The following DLGAP2 variants were observed in gnomAD, a reference collection of about 807,000 sequenced individuals.
DLGAP2 encodes the protein disks large-associated protein 2.
A neutral mutation model predicts 100.3 loss-of-function variants in DLGAP2; 26 were observed. That is an observed-to-expected ratio of 0.26 (90% confidence interval 0.19 to 0.36). The LOEUF is 0.36. Ranked by LOEUF, DLGAP2 falls within the 10% of genes least tolerant of loss-of-function variation. DLGAP2 has a pLI of 1.00. For missense variants in DLGAP2, 1,858 were observed against 1,453.2 expected, an observed-to-expected ratio of 1.28 and a Z score of -4.53; for synonymous variants, 886 against 630.1, an observed-to-expected ratio of 1.41 and a Z score of -6.08.
intron 3 of DLGAP2, among the ~76,000 whole-genome samples, chr8:1,463,470 C>T (rs1584928476): frequency 2.0e-5 from 3 of 152,316 alleles, no homozygotes; most frequent in Admixed American, 2.0e-4. Context: ...CCTTCGAACC[C>T]ACCGTCCAAA....
intron 3 of DLGAP2, among the ~76,000 whole-genome samples, chr8:1,408,399 C>G (rs899519892): frequency 6.6e-6 from 1 of 151,930 alleles, no homozygotes; most frequent in African/African-American, 2.4e-5. Context: ...GCTCCAAGTT[C>G]GCCACAACCT....
intron 2 of DLGAP2, among the ~76,000 whole-genome samples, chr8:940,465 T>C (rs1289745149): frequency 6.6e-6 from 1 of 152,034 alleles, no homozygotes; most frequent in Non-Finnish European, 1.5e-5. Flanking sequence ...GCCGGGATTC[T>C]TCATCTGAAA....
chr8:1,326,128 T>G (rs1325375174), intron 3 of DLGAP2, among the ~76,000 whole-genome samples: 1 of 152,228 alleles, frequency 6.6e-6, no homozygotes, highest in African/African-American at 2.4e-5. Flanking sequence ...TGCTATGGTA[T>G]TTTTTGTTTG....
intron 2 of DLGAP2, among the ~76,000 whole-genome samples, chr8:959,742 A>G (rs1799679508): frequency 6.6e-6 from 1 of 152,228 alleles, no homozygotes; most frequent in Non-Finnish European, 1.5e-5. Flanking sequence ...AAGGGCAAAT[A>G]GCTTGTCCAT....
intron 2 of DLGAP2, among the ~76,000 whole-genome samples, chr8:973,807 C>G (rs370540440): frequency 6.6e-6 from 1 of 151,410 alleles, no homozygotes; most frequent in African/African-American, 2.4e-5. Context: ...ATCCGGGGCT[C>G]GGGCCCGTGG....
intron 2 of DLGAP2, among the ~76,000 whole-genome samples, chr8:1,149,306 C>T (rs1181238467): frequency 3.3e-5 from 5 of 152,110 alleles, no homozygotes; most frequent in South Asian, 2.1e-4. Context: ...CCACCGCACC[C>T]GGCTAATTTT....
chr8:795,547 C>T (rs192852938), intron 1 of DLGAP2, among the ~76,000 whole-genome samples: 37 of 152,326 alleles, frequency 2.4e-4, no homozygotes, highest in African/African-American at 8.4e-4. Context: ...GACATAAGGC[C>T]GCATGTTGCC....
chr8:1,221,183 T>C (rs1798307637), intron 2 of DLGAP2, among the ~76,000 whole-genome samples: 1 of 152,196 alleles, frequency 6.6e-6, no homozygotes, highest in Non-Finnish European at 1.5e-5. Flanking sequence ...TATAGTTGTT[T>C]TTTAGTGTCA....
At chr8:1,544,673 A>T (rs6994849) in intron 4 of DLGAP2, among the ~76,000 whole-genome samples, 1 of 151,728 alleles carries the variant, frequency 6.6e-6, no homozygotes, top group Non-Finnish European at 1.5e-5. Flanking sequence ...TAAATTCTAC[A>T]TAGTCACTGT....
At chr8:1,573,914 G>A (rs1802858661) in intron 6 of DLGAP2, among the ~76,000 whole-genome samples, 1 of 152,146 alleles carries the variant, frequency 6.6e-6, no homozygotes, top group Non-Finnish European at 1.5e-5. Flanking sequence ...GTGCACTTCA[G>A]TGAGTAGTCA....
intron 8 of DLGAP2, among the ~76,000 whole-genome samples, chr8:1,656,840 T>C (rs1385097204): frequency 5.9e-5 from 9 of 152,222 alleles, no homozygotes; most frequent in Non-Finnish European, 1.0e-4. Context: ...GCAAAGCATG[T>C]TACACAGTTC....
At chr8:1,254,570 C>T (rs893443114) in intron 2 of DLGAP2, among the ~76,000 whole-genome samples, 1 of 152,136 alleles carries the variant, frequency 6.6e-6, no homozygotes, top group Non-Finnish European at 1.5e-5. Flanking sequence ...GGGAAAATCA[C>T]GATCTATGGC....
chr8:1,322,398 T>C (rs1480005441), intron 3 of DLGAP2, among the ~76,000 whole-genome samples: 1 of 152,248 alleles, frequency 6.6e-6, no homozygotes, highest in Non-Finnish European at 1.5e-5. Context: ...TGGAAATGCA[T>C]GTACCCACCC....
At chr8:1,194,382 C>T (rs1276226882) in intron 2 of DLGAP2, among the ~76,000 whole-genome samples, 3 of 152,072 alleles carry the variant, frequency 2.0e-5, no homozygotes, top group Non-Finnish European at 4.4e-5. Context: ...GGCCGGCCCA[C>T]ATAAGGGCAC....
At chr8:891,277 T>C (rs1471020540) in intron 1 of DLGAP2, 1 of 152,348 alleles carries the variant, frequency 6.6e-6, no homozygotes, top group Non-Finnish European at 1.5e-5. Context: ...TATTTCATCT[T>C]AATTTTGAGA....
intron 1 of DLGAP2, among the ~76,000 whole-genome samples, chr8:769,918 A>G (rs1821314173): frequency 1.3e-5 from 2 of 152,198 alleles, no homozygotes; most frequent in African/African-American, 4.8e-5. Context: ...GACTGGCTTC[A>G]GCAGCTGCGG....
At chr8:1,062,563 A>G (rs1803118258) in intron 2 of DLGAP2, among the ~76,000 whole-genome samples, 1 of 152,208 alleles carries the variant, frequency 6.6e-6, no homozygotes, top group Non-Finnish European at 1.5e-5. Flanking sequence ...GGCATCAGGT[A>G]GACAGTAGCC....
intron 2 of DLGAP2, among the ~76,000 whole-genome samples, chr8:1,255,167 G>A (rs1281549831): frequency 7.7e-6 from 1 of 130,494 alleles, no homozygotes; most frequent in Non-Finnish European, 1.6e-5. Flanking sequence ...CCCGGGTGCT[G>A]TGTGTGTGCC....
At chr8:1,393,033 C>A (rs548144967) in intron 3 of DLGAP2, among the ~76,000 whole-genome samples, 9 of 52,452 alleles carry the variant, frequency 1.7e-4, no homozygotes, top group African/African-American at 7.2e-4. Flanking sequence ...CCTCCTGAGT[C>A]GTGTATTGAG....
Sources: gnomAD v4.1 joint callset for allele counts (sites outside exome capture counted in the v4.1 genomes callset) on GRCh38, gnomAD v4.1.1 for gene constraint, MANE v1.5 for transcripts, NCBI Gene and HGNC (gene_info 2026-07-23, HGNC 2026-07-21) for gene names.